DNMBP: variants seen among roughly 807,000 people sequenced by gnomAD.
DNMBP encodes dynamin-binding protein.
A neutral mutation model predicts 150.0 loss-of-function variants in DNMBP; 87 were observed. The observed-to-expected ratio is 0.58, with a 90% CI of 0.49 to 0.69. The LOEUF (loss-of-function observed/expected upper bound fraction) is 0.69, where lower values mean the gene tolerates loss of function less well. DNMBP is among the 30% of genes least tolerant of loss of function. DNMBP has a pLI of 0.00. For synonymous variants in DNMBP, 711 were observed against 750.4 expected (o/e 0.95, Z 0.86); for missense variants, 1,774 against 1,949.0 (o/e 0.91, Z 1.69).
intron 4 of DNMBP, chr10:99,930,367 A>C: frequency 1.4e-6 from 1 of 703,008 alleles, no homozygotes; most frequent in Admixed American, 2.0e-5. Context: ...GCCTCCCCGT[A>C]TCCACCAGCT....
intron 4 of DNMBP, among the ~76,000 whole-genome samples, chr10:99,943,520 A>C (rs185967118): frequency 3.3e-5 from 5 of 152,194 alleles, no homozygotes; most frequent in South Asian, 4.2e-4. Flanking sequence ...CTCCCACCTC[A>C]GTCTCCCTAG....
chr10:99,987,169 A>AG (rs34632402), intron 1 of DNMBP, among the ~76,000 whole-genome samples: 3 of 150,762 alleles, frequency 2.0e-5, no homozygotes, highest in African/African-American at 7.3e-5. Context: ...AAAAAAAAAA[A>AG]GAAATCTCTA....
rs1299770300 is a variant in DNMBP, at chr10:99,957,018, G to A, written c.456C>T (p.Ala152=). The change falls in exon 4 of 17, where the codon GCC becomes GCT. Residue 152 remains alanine, a synonymous_variant. Coordinates refer to ENST00000324109, the MANE Select transcript of DNMBP (RefSeq NM_015221.4). ...IPEYSMGQAR[A]LMGLSAQLDE... ...CCAGCTGAGCAGAAAGCCCCATTAG[G>A]GCCCGGGCTTGTCCCATGGAATATT... 4 of 1,614,062 alleles carry A rather than the reference G, an allele frequency of 2.5e-6. No individual in the cohort carries two copies. Among genetic ancestry groups the A allele is most frequent in the Non-Finnish European group, 3.4e-6 (4 of 1,180,046 alleles).
At position 99,884,904 on chromosome 10, in the gene DNMBP, A is replaced by G. The variant is rs149917288; in HGVS notation, c.3799-695T>C. 7.6e-4 allele frequency among the ~76,000 whole-genome samples: 116 copies of G among 152,054 alleles called. 2 individuals carry two copies. The highest frequency in any genetic ancestry group is 2.8e-3 in the African/African-American group (114 of 41,422). ...GGGTGACAGAGCAAGGCTCTGTCTC[A>G]AAAAATCATAATTCTCCCTTTTAAG... On this transcript the variant is annotated intron_variant, in intron 14 of 16. Transcript: ENST00000324109.
chr10:100,008,253 T>C (rs1012255363), intron 1 of DNMBP, among the ~76,000 whole-genome samples: 2 of 152,232 alleles, frequency 1.3e-5, no homozygotes, highest in African/African-American at 4.8e-5. Context: ...AACTGGTGCA[T>C]ATTTAAACAG....
At chr10:99,886,894 C>A (rs2039476009) in intron 12 of DNMBP, among the ~76,000 whole-genome samples, 1 of 152,138 alleles carries the variant, frequency 6.6e-6, no homozygotes, top group African/African-American at 2.4e-5. Flanking sequence ...CACTTGACCT[C>A]CTTGAGGTGA....
In DNMBP at chr10:99,877,099, C is replaced by G. The variant is rs1002705261; in HGVS notation, c.*52G>C. The G allele has an allele frequency of 2.2e-6, 3 of 1,378,526 alleles. No homozygotes were observed. Among genetic ancestry groups the G allele is most frequent in the African/African-American group, 3.4e-5 (2 of 58,038 alleles). The allele number at this position is 1,378,526 out of a possible 1,614,324, so 85.4% of individuals were successfully genotyped here. On this transcript the variant is annotated 3_prime_UTR_variant, in exon 17 of 17. Transcript: ENST00000324109. ...GCCCTCTCGGTGGGCCGCCAGAACC[C>G]TCGGCGGACTGAAAGCAAAGGCAGC...
intron 3 of DNMBP, among the ~76,000 whole-genome samples, chr10:99,967,104 C>A (rs908643562): frequency 1.3e-5 from 2 of 151,844 alleles, no homozygotes; most frequent in African/African-American, 4.8e-5. Context: ...AGCCTCTTAT[C>A]AATCCTAATG....
At chr10:99,963,244 T>G (rs1218870676) in intron 3 of DNMBP, among the ~76,000 whole-genome samples, 7 of 151,812 alleles carry the variant, frequency 4.6e-5, no homozygotes, top group African/African-American at 1.2e-4. Flanking sequence ...AATTTTTTTT[T>G]TTGTTATTGT....
intron 6 of DNMBP, among the ~76,000 whole-genome samples, chr10:99,906,800 C>T (rs1029896791): frequency 1.2e-4 from 19 of 152,282 alleles, no homozygotes; most frequent in African/African-American, 4.1e-4. Flanking sequence ...AACCACCCAG[C>T]GGAGCCACCT....
At chr10:99,986,273 G>A (rs2040826674) in intron 1 of DNMBP, among the ~76,000 whole-genome samples, 1 of 152,050 alleles carries the variant, frequency 6.6e-6, no homozygotes, top group South Asian at 2.1e-4. Flanking sequence ...TCTTTGGGAG[G>A]CCAAGGTGGG....
At chr10:99,992,389 G>A (rs1482389428) in intron 1 of DNMBP, among the ~76,000 whole-genome samples, 1 of 151,262 alleles carries the variant, frequency 6.6e-6, no homozygotes, top group Non-Finnish European at 1.5e-5. Flanking sequence ...CTTCTTTGGA[G>A]CAAGTTAATT....
intron 4 of DNMBP, among the ~76,000 whole-genome samples, chr10:99,950,605 A>G (rs1392200663): frequency 2.6e-5 from 4 of 152,192 alleles, no homozygotes; most frequent in African/African-American, 9.7e-5. Context: ...ACTTGTTGGG[A>G]ACTGGACCAA....
intron 1 of DNMBP, among the ~76,000 whole-genome samples, chr10:99,997,158 A>G (rs1023504607): frequency 6.6e-6 from 1 of 152,218 alleles, no homozygotes; most frequent in African/African-American, 2.4e-5. Context: ...AAGCAGATCT[A>G]AACTGTAAGA....
chr10:99,955,676 C>T lies in DNMBP; in HGVS notation c.1798G>A (p.Glu600Lys). 2 of 1,614,182 alleles carry T rather than the reference C, an allele frequency of 1.2e-6. No individual in the cohort carries two copies. The highest frequency in any genetic ancestry group is 2.2e-5 in the East Asian group (1 of 44,882). The stretch of plus-strand genomic sequence containing the variant: ...AGGGCCTTTCTCCTTTCCGGCAGCT[C>T]CTGCTCGGTGATTAACTTTGAGGAA... ...RGSSKLITEQELPERRKALRP... is the reference protein window; with the variant it reads ...RGSSKLITEQKLPERRKALRP... The change falls in exon 4 of 17, where the codon GAG becomes AAG. Residue 600 changes from glutamate to lysine, a missense_variant. Around this residue, in one of 2 missense-constraint regions of DNMBP, gnomAD observed 1,430 missense variants for 1,492.5 expected, o/e 0.96. Transcript: ENST00000324109.
chr10:99,877,429 GCCCA>G, intron 16 of DNMBP, 93 bp from the exon 17 acceptor site: 17 of 963,500 alleles, frequency 1.8e-5, no homozygotes, highest in Non-Finnish European at 2.3e-5. Flanking sequence ...ACATCCACAT[GCCCA>G]CATGTGGCTA....
intron 4 of DNMBP, among the ~76,000 whole-genome samples, chr10:99,936,519 T>C (rs1170702368): frequency 6.8e-6 from 1 of 146,256 alleles, no homozygotes; most frequent in Admixed American, 6.8e-5. Flanking sequence ...TTTTTTCTTT[T>C]TTTTTTTTTT....
intron 10 of DNMBP, among the ~76,000 whole-genome samples, chr10:99,895,525 C>A (rs996421114): frequency 1.3e-5 from 2 of 152,200 alleles, no homozygotes; most frequent in African/African-American, 4.8e-5. Flanking sequence ...CATGTGGTTT[C>A]AAAAGACCTC....
chr10:99,959,131 A>G (rs1208147244), intron 3 of DNMBP, among the ~76,000 whole-genome samples: 2 of 152,238 alleles, frequency 1.3e-5, no homozygotes, highest in Non-Finnish European at 2.9e-5. Flanking sequence ...ACGAACATGT[A>G]AAGCAATGTC....
Sources: allele counts gnomAD v4.1 joint callset (sites outside exome capture counted in the v4.1 genomes callset), GRCh38; gene constraint gnomAD v4.1.1; regional missense constraint gnomAD v4.1.1; transcripts MANE v1.5; gene names NCBI Gene and HGNC (gene_info 2026-07-23, HGNC 2026-07-21).